The following PPARGC1A variants were observed in gnomAD, a reference collection of about 807,000 sequenced individuals.
The protein encoded by PPARGC1A is PPARG coactivator 1 alpha.
Under a neutral mutation model 88.7 loss-of-function variants are expected in PPARGC1A, and 25 were observed. The observed-to-expected ratio is 0.28, with a 90% confidence interval of 0.21 to 0.39. PPARGC1A has a LOEUF of 0.39. PPARGC1A is among the 10% of genes least tolerant of loss of function. The pLI, the probability that PPARGC1A is intolerant of heterozygous loss-of-function variation, is 1.00. For missense variants in PPARGC1A, 880 were observed against 968.7 expected (o/e 0.91, Z 1.22); for synonymous variants, 363 against 355.6 (o/e 1.02, Z -0.24).
chr4:24,218,389 G>C, the PPARGC1A span, among the ~76,000 whole-genome samples: 1 of 152,180 alleles, frequency 6.6e-6, no homozygotes, highest in Admixed American at 6.5e-5. Context: ...AAAAGCCCTG[G>C]ACAAAACCAT....
chr4:24,031,422 G>A, the PPARGC1A span, among the ~76,000 whole-genome samples: 1 of 152,104 alleles, frequency 6.6e-6, no homozygotes, highest in Non-Finnish European at 1.5e-5. Flanking sequence ...AGGAAGCGAA[G>A]GCTTTTGAAT....
the PPARGC1A span, among the ~76,000 whole-genome samples, chr4:24,421,467 A>G: frequency 1.8e-4 from 27 of 152,022 alleles, no homozygotes; most frequent in African/African-American, 6.0e-4. Flanking sequence ...CCCGCCATCA[A>G]GTCCGGCTAA....
the PPARGC1A span, among the ~76,000 whole-genome samples, chr4:24,201,631 T>A: frequency 6.6e-6 from 1 of 152,242 alleles, no homozygotes; most frequent in African/African-American, 2.4e-5. Flanking sequence ...TCCTTGTTCA[T>A]CTTTTAGATT....
At chr4:24,002,093 C>CAGAGAGAGAGAGAG in the PPARGC1A span, among the ~76,000 whole-genome samples, 25 of 135,774 alleles carry the variant, frequency 1.8e-4, no homozygotes, top group South Asian at 2.3e-3. Flanking sequence ...CACACACACA[C>CAGAGAGAGAGAGAG]ACACAGAGAG....
At chr4:23,970,630 T>A in the PPARGC1A span, among the ~76,000 whole-genome samples, 1 of 152,210 alleles carries the variant, frequency 6.6e-6, no homozygotes, top group African/African-American at 2.4e-5. Context: ...GTGGATTCCA[T>A]TCATGGAGTC....
chr4:23,851,796 C>G (rs1156834097), intron 2 of PPARGC1A, among the ~76,000 whole-genome samples: 2 of 152,170 alleles, frequency 1.3e-5, no homozygotes, highest in Non-Finnish European at 2.9e-5. Flanking sequence ...TTTGCTCTCT[C>G]TTCAAACTTT....
the PPARGC1A span, among the ~76,000 whole-genome samples, chr4:23,961,072 A>G: frequency 6.6e-6 from 1 of 152,202 alleles, no homozygotes; most frequent in African/African-American, 2.4e-5. Context: ...ATTTTTCTAG[A>G]AAGCGCTTTT....
the PPARGC1A span, among the ~76,000 whole-genome samples, chr4:24,198,690 T>C: frequency 2.6e-5 from 4 of 152,066 alleles, no homozygotes; most frequent in Non-Finnish European, 5.9e-5. Context: ...AAGCAGGATG[T>C]TTATTTGAGT....
chr4:24,392,715 A>G, the PPARGC1A span, among the ~76,000 whole-genome samples: 1 of 152,114 alleles, frequency 6.6e-6, no homozygotes, highest in Non-Finnish European at 1.5e-5. Flanking sequence ...TCTTTCTGGA[A>G]GACAACATGG....
the PPARGC1A span, among the ~76,000 whole-genome samples, chr4:24,009,586 A>G: frequency 6.6e-6 from 1 of 152,214 alleles, no homozygotes; most frequent in African/African-American, 2.4e-5. Context: ...ACTACAAACA[A>G]TTATCTGTAA....
chr4:24,322,693 G>A, the PPARGC1A span, among the ~76,000 whole-genome samples: 1 of 152,326 alleles, frequency 6.6e-6, no homozygotes, highest in South Asian at 2.1e-4. Context: ...GTGGCTTGAA[G>A]CTGGCAGTGG....
At chr4:24,383,850 C>T in the PPARGC1A span, among the ~76,000 whole-genome samples, 1 of 152,148 alleles carries the variant, frequency 6.6e-6, no homozygotes, top group African/African-American at 2.4e-5. Context: ...GACAAGCCAA[C>T]ATTCAAATTC....
At chr4:23,839,277 T>G (rs1200781145) in intron 2 of PPARGC1A, among the ~76,000 whole-genome samples, 1 of 152,026 alleles carries the variant, frequency 6.6e-6, no homozygotes, top group Non-Finnish European at 1.5e-5. Flanking sequence ...CAACAGAAAG[T>G]CCTAAAAATT....
At chr4:23,819,970 C>T (rs1209948585) in intron 7 of PPARGC1A, among the ~76,000 whole-genome samples, 3 of 152,106 alleles carry the variant, frequency 2.0e-5, no homozygotes, top group Admixed American at 6.6e-5. Flanking sequence ...AGTATGTATG[C>T]CAAAAGGCTA....
At chr4:24,014,536 A>G in the PPARGC1A span, among the ~76,000 whole-genome samples, 7 of 152,164 alleles carry the variant, frequency 4.6e-5, no homozygotes, top group South Asian at 2.1e-4. Flanking sequence ...CAAGTCTACA[A>G]TCAAGATGTC....
At chr4:24,170,568 C>G in the PPARGC1A span, among the ~76,000 whole-genome samples, 2 of 152,178 alleles carry the variant, frequency 1.3e-5, no homozygotes, top group African/African-American at 4.8e-5. Flanking sequence ...GAGCCCTGCT[C>G]ACTTCCCATC....
At chr4:23,831,293 C>T (rs914887988) in intron 3 of PPARGC1A, among the ~76,000 whole-genome samples, 12 of 152,048 alleles carry the variant, frequency 7.9e-5, no homozygotes, top group African/African-American at 2.9e-4. Flanking sequence ...TCATCATGAA[C>T]ATAAATAACA....
chr4:24,452,921 C>T, the PPARGC1A span, among the ~76,000 whole-genome samples: 3 of 152,162 alleles, frequency 2.0e-5, no homozygotes, highest in Non-Finnish European at 4.4e-5. Context: ...TGTGTTCCTC[C>T]TACCCCCTAA....
At chr4:23,957,504 A>G in the PPARGC1A span, among the ~76,000 whole-genome samples, 4 of 152,128 alleles carry the variant, frequency 2.6e-5, no homozygotes, top group East Asian at 7.7e-4. Context: ...TAGTTTCTAC[A>G]TCTGTATAAA....
Sources: gnomAD v4.1 joint callset for allele counts (sites outside exome capture counted in the v4.1 genomes callset) on GRCh38, gnomAD v4.1.1 for gene constraint, MANE v1.5 for transcripts, NCBI Gene and HGNC (gene_info 2026-07-23, HGNC 2026-07-21) for gene names.